KCNAB1: variants seen among roughly 807,000 people sequenced by gnomAD.
KCNAB1 encodes the protein voltage-gated potassium channel subunit beta-1.
KCNAB1 carries 35 observed loss-of-function variants against 64.6 expected under a neutral mutation model. The ratio of observed to expected loss-of-function variants is 0.54; its 90% confidence interval spans 0.41 to 0.72. KCNAB1 has a LOEUF of 0.72. Ranked by LOEUF, KCNAB1 falls within the 30% of genes least tolerant of loss-of-function variation. KCNAB1 has a pLI of 0.00. For synonymous variants in KCNAB1, 177 were observed against 183.8 expected (o/e 0.96, Z 0.30); for missense variants, 401 against 512.9 (o/e 0.78, Z 2.11).
chr3:156,142,977 C>T, intron 1 of KCNAB1: 2 of 1,259,442 alleles, frequency 1.6e-6, no homozygotes, highest in Non-Finnish European at 2.0e-6. Context: ...CAGGCCTGGG[C>T]AGGGACACAC....
At chr3:156,172,438 C>T (rs965444737) in intron 1 of KCNAB1, among the ~76,000 whole-genome samples, 1 of 152,184 alleles carries the variant, frequency 6.6e-6, no homozygotes, top group Admixed American at 6.5e-5. Context: ...CACCACCACA[C>T]CCAGCTAATT....
chr3:156,344,655 G>A (rs1022407004), intron 1 of KCNAB1, among the ~76,000 whole-genome samples: 1 of 152,152 alleles, frequency 6.6e-6, no homozygotes, highest in Non-Finnish European at 1.5e-5. Context: ...AGTGGGCCTG[G>A]GATGGTTTTG....
At chr3:156,272,549 C>G (rs1045668995) in intron 1 of KCNAB1, among the ~76,000 whole-genome samples, 1 of 152,028 alleles carries the variant, frequency 6.6e-6, no homozygotes, top group African/African-American at 2.4e-5. Flanking sequence ...GACCCAGGGG[C>G]TTTTCAGTCT....
At chr3:156,325,613 G>A (rs1722922612) in intron 1 of KCNAB1, among the ~76,000 whole-genome samples, 1 of 151,292 alleles carries the variant, frequency 6.6e-6, no homozygotes, top group South Asian at 2.1e-4. Context: ...AAGAATGTAA[G>A]CGTTCAGCAT....
chr3:156,450,661 T>A (rs964947714), intron 2 of KCNAB1, among the ~76,000 whole-genome samples: 7 of 152,210 alleles, frequency 4.6e-5, no homozygotes, highest in Non-Finnish European at 8.8e-5. Flanking sequence ...ATTTTTTCGC[T>A]TAATAAAGAA....
chr3:156,223,926 G>T (rs1006777205), intron 1 of KCNAB1, among the ~76,000 whole-genome samples: 8 of 152,276 alleles, frequency 5.3e-5, no homozygotes, highest in African/African-American at 1.9e-4. Flanking sequence ...CTCAGCCCTT[G>T]GGTGGTTGAT....
intron 1 of KCNAB1, among the ~76,000 whole-genome samples, chr3:156,297,259 C>CT (rs71141704): frequency 0.03 from 2,909 of 96,396 alleles, 217 homozygotes; most frequent in East Asian, 0.056. Context: ...TTGAGGTTGG[C>CT]TTTTTTTTTT....
chr3:156,459,717 G>A (rs1440279152), intron 4 of KCNAB1, 110 bp from the exon 5 acceptor site: 19 of 708,560 alleles, frequency 2.7e-5, no homozygotes, highest in African/African-American at 5.6e-5. Flanking sequence ...TTCTATTTTC[G>A]GGATATGTAG....
intron 1 of KCNAB1, among the ~76,000 whole-genome samples, chr3:156,248,919 C>A (rs1403547374): frequency 1.3e-5 from 2 of 152,102 alleles, no homozygotes; most frequent in African/African-American, 2.4e-5. Context: ...GACTAGGAGT[C>A]CATGTGCCTA....
At chr3:156,335,114 C>T (rs767993220) in intron 1 of KCNAB1, among the ~76,000 whole-genome samples, 2 of 152,252 alleles carry the variant, frequency 1.3e-5, no homozygotes, top group African/African-American at 4.8e-5. Flanking sequence ...GATCTCCCTC[C>T]TGCTGGCATC....
intron 1 of KCNAB1, among the ~76,000 whole-genome samples, chr3:156,152,245 G>T (rs1353584839): frequency 6.6e-6 from 1 of 152,220 alleles, no homozygotes; most frequent in Non-Finnish European, 1.5e-5. Flanking sequence ...TTAGTGGTAG[G>T]TGTGTTAAAA....
intron 7 of KCNAB1, among the ~76,000 whole-genome samples, chr3:156,472,151 C>T (rs537752565): frequency 1.3e-5 from 2 of 152,142 alleles, no homozygotes; most frequent in East Asian, 3.9e-4. Flanking sequence ...TAGTAACAGT[C>T]GCTTCACTTC....
At chr3:156,359,734 G>A (rs569474612) in intron 1 of KCNAB1, among the ~76,000 whole-genome samples, 1 of 152,316 alleles carries the variant, frequency 6.6e-6, no homozygotes, top group South Asian at 2.1e-4. Flanking sequence ...TATGTGATAT[G>A]TACGGCATGC....
At chr3:156,174,724 C>T (rs953144365) in intron 1 of KCNAB1, among the ~76,000 whole-genome samples, 2 of 152,212 alleles carry the variant, frequency 1.3e-5, no homozygotes, top group African/African-American at 4.8e-5. Flanking sequence ...AATGTGGTCG[C>T]TTCCACAGGC....
At chr3:156,288,666 A>G (rs1720226854) in intron 1 of KCNAB1, among the ~76,000 whole-genome samples, 1 of 152,156 alleles carries the variant, frequency 6.6e-6, no homozygotes, top group Non-Finnish European at 1.5e-5. Flanking sequence ...CAGATCTGAA[A>G]AGGTGCACTG....
At chr3:156,214,557 G>T (rs1167050366) in intron 1 of KCNAB1, among the ~76,000 whole-genome samples, 1 of 152,154 alleles carries the variant, frequency 6.6e-6, no homozygotes, top group African/African-American at 2.4e-5. Flanking sequence ...TCCTGTTATT[G>T]CTTTCCTTTT....
chr3:156,493,976 A>G (rs1447984638), intron 8 of KCNAB1, among the ~76,000 whole-genome samples: 6 of 152,166 alleles, frequency 3.9e-5, no homozygotes. Context: ...TCTCCACTGT[A>G]AAGTTACCTT....
intron 1 of KCNAB1, among the ~76,000 whole-genome samples, chr3:156,366,807 A>G (rs994357490): frequency 6.6e-6 from 1 of 152,222 alleles, no homozygotes; most frequent in Non-Finnish European, 1.5e-5. Flanking sequence ...TCAAACAGGG[A>G]AACCACTTTG....
intron 1 of KCNAB1, chr3:156,292,165 G>C: frequency 6.2e-7 from 1 of 1,607,566 alleles, no homozygotes; most frequent in Non-Finnish European, 8.5e-7. Flanking sequence ...GGGGTATCCA[G>C]GTTCTATACA....
Sources: gnomAD v4.1 joint callset for allele counts (sites outside exome capture counted in the v4.1 genomes callset) on GRCh38, gnomAD v4.1.1 for gene constraint, MANE v1.5 for transcripts, NCBI Gene and HGNC (gene_info 2026-07-23, HGNC 2026-07-21) for gene names.